Variants in PODXL observed in about 807,000 individuals in gnomAD.
The protein encoded by PODXL is podocalyxin.
Under a neutral mutation model 48.9 loss-of-function variants are expected in PODXL, and 20 were observed. The observed-to-expected ratio is 0.41, with a 90% CI of 0.29 to 0.59. PODXL has a LOEUF of 0.59. Among genes scored for constraint, PODXL ranks in the 20% least tolerant of loss-of-function variants. PODXL has a pLI of 0.31. For synonymous variants in PODXL, 295 were observed against 287.4 expected, an observed-to-expected ratio of 1.03 and a Z score of -0.27; for missense variants, 606 against 675.1, an observed-to-expected ratio of 0.90 and a Z score of 1.13.
At chr7:131,511,499 T>A (rs1169767963) in intron 1 of PODXL, 66 bp from the exon 2 acceptor site, 2 of 1,542,582 alleles carry the variant, frequency 1.3e-6, no homozygotes, top group Non-Finnish European at 1.8e-6. Flanking sequence ...CTTCTCCAGC[T>A]CTTCCCCAGG....
At chr7:131,550,514 C>T (rs1562919938) in intron 1 of PODXL, among the ~76,000 whole-genome samples, 2 of 151,952 alleles carry the variant, frequency 1.3e-5, no homozygotes, top group Non-Finnish European at 1.5e-5. Context: ...GGTGTGGTGG[C>T]GCATGCCTGT....
Position 131,556,451 on chromosome 7 carries a change from G to A in PODXL, c.-92C>T, listed in dbSNP as rs1798749767. 8 of 1,283,102 alleles carry A rather than the reference G, an allele frequency of 6.2e-6. No individual in the cohort carries two copies. The highest frequency in any genetic ancestry group is 3.1e-5 in the East Asian group (1 of 32,096). The allele number at this position is 1,283,102 out of a possible 1,614,324, so 79.5% of individuals were successfully genotyped here. A position where few individuals can be genotyped will look rare whatever the true frequency, so the allele number is the denominator to read the frequency against. ...GGTAGGAGCGTGGGCGCCGCCCGGG[G>A]AGGCCTGTGGGTGGCTCCGGAGGCC... On this transcript the variant is annotated 5_prime_UTR_variant, in exon 1 of 9. Coordinates refer to ENST00000378555, the MANE Select transcript of PODXL (RefSeq NM_001018111.3).
Position 131,541,749 on chromosome 7 carries a change from T to C in PODXL, c.100+14511A>G, listed in dbSNP as rs377256231. Among the ~76,000 whole-genome samples, 6 of 152,002 alleles carry C rather than the reference T, an allele frequency of 3.9e-5. No homozygotes were observed. In the East Asian group the frequency reaches 1.2e-3, roughly 29 times the overall value. ...ATTGAGGACTGGCTCCCTTGTCCCCTGCCAGGGCCTGCAGGGAAAGTTAAA... is the reference window on the plus strand; with the variant it reads ...ATTGAGGACTGGCTCCCTTGTCCCCCGCCAGGGCCTGCAGGGAAAGTTAAA... On this transcript the variant is annotated intron_variant, in intron 1 of 8. Transcript: ENST00000378555.
intron 8 of PODXL, among the ~76,000 whole-genome samples, 176 bp downstream of exon 8, chr7:131,505,692 G>A (rs1250627071): frequency 2.6e-5 from 4 of 152,188 alleles, no homozygotes; most frequent in Non-Finnish European, 4.4e-5. Context: ...CCTCTGCCAC[G>A]CTGCCTCTGT....
At chr7:131,530,318 A>T (rs1798257126) in intron 1 of PODXL, among the ~76,000 whole-genome samples, 1 of 151,000 alleles carries the variant, frequency 6.6e-6, no homozygotes, top group Admixed American at 6.6e-5. Flanking sequence ...CTTGGCCAGG[A>T]CTCCTCCCAG....
At chr7:131,524,492 C>T (rs566900443) in intron 1 of PODXL, among the ~76,000 whole-genome samples, 1 of 152,050 alleles carries the variant, frequency 6.6e-6, no homozygotes, top group South Asian at 2.1e-4. Context: ...CAAAGATATA[C>T]AGATGGCAAA....
chr7:131,529,380 T>G (rs1798236874), intron 1 of PODXL, among the ~76,000 whole-genome samples: 1 of 152,084 alleles, frequency 6.6e-6, no homozygotes, highest in African/African-American at 2.4e-5. Flanking sequence ...GTGGGAAGCC[T>G]GCTTCAATCT....
At chr7:131,522,242 G>A (rs1280830418) in intron 1 of PODXL, among the ~76,000 whole-genome samples, 1 of 152,180 alleles carries the variant, frequency 6.6e-6, no homozygotes, top group East Asian at 1.9e-4. Flanking sequence ...CCTGAGGTCA[G>A]GTGTTCGAGA....
At position 131,519,694 on chromosome 7, in the gene PODXL, A is replaced by G. The variant is rs1208677228; in HGVS notation, c.101-8261T>C. Among the ~76,000 whole-genome samples, 3 of 152,104 alleles carry G rather than the reference A, an allele frequency of 2.0e-5. No individual in the cohort carries two copies. The East Asian group carries it at 5.8e-4, about 29-fold the overall frequency. ...CATAATACCTTATGGGCAAATATTTATAAATCTGAAGCAGACGAGACAGAC... is the reference window on the plus strand; with the variant it reads ...CATAATACCTTATGGGCAAATATTTGTAAATCTGAAGCAGACGAGACAGAC... On this transcript the variant is annotated intron_variant, in intron 1 of 8. Coordinates refer to ENST00000378555, the MANE Select transcript of PODXL (RefSeq NM_001018111.3).
chr7:131,554,741 C>A (rs1370611664), intron 1 of PODXL, among the ~76,000 whole-genome samples: 2 of 152,174 alleles, frequency 1.3e-5, no homozygotes, highest in African/African-American at 4.8e-5. Context: ...TAGGGACTAA[C>A]CCCTCTTTCC....
At chr7:131,519,765 G>A (rs1300456212) in intron 1 of PODXL, among the ~76,000 whole-genome samples, 3 of 151,984 alleles carry the variant, frequency 2.0e-5, no homozygotes, top group Admixed American at 6.6e-5. Flanking sequence ...GTCTCACTCC[G>A]TCCCACAGGC....
intron 1 of PODXL, among the ~76,000 whole-genome samples, chr7:131,518,849 C>A (rs1204112888): frequency 6.6e-6 from 1 of 152,216 alleles, no homozygotes; most frequent in Non-Finnish European, 1.5e-5. Context: ...ACAGCGCCAT[C>A]ATTAGGCGAT....
intron 1 of PODXL, among the ~76,000 whole-genome samples, chr7:131,530,154 C>G (rs1361874989): frequency 7.9e-5 from 11 of 139,402 alleles, no homozygotes; most frequent in African/African-American, 2.8e-4. Context: ...CACCCCACCC[C>G]CCCACCCCCA....
intron 1 of PODXL, 144 bp downstream of exon 1, chr7:131,556,116 G>C: frequency 8.5e-7 from 1 of 1,175,350 alleles, no homozygotes; most frequent in Non-Finnish European, 1.1e-6. Flanking sequence ...ATGGTGCAAG[G>C]TCAGGGCTCC....
At chr7:131,550,088 C>A (rs896273105) in intron 1 of PODXL, among the ~76,000 whole-genome samples, 2 of 152,238 alleles carry the variant, frequency 1.3e-5, no homozygotes, top group South Asian at 4.1e-4. Flanking sequence ...GCATTTTGTG[C>A]AGCCAATTAT....
chr7:131,547,409 T>C (rs1206181889), intron 1 of PODXL, among the ~76,000 whole-genome samples: 1 of 136,760 alleles, frequency 7.3e-6, no homozygotes, highest in Non-Finnish European at 1.5e-5. Flanking sequence ...TCAACACGTG[T>C]GGATGCTTTC....
intron 1 of PODXL, among the ~76,000 whole-genome samples, chr7:131,549,873 G>A (rs1294160071): frequency 6.6e-6 from 1 of 152,224 alleles, no homozygotes; most frequent in Non-Finnish European, 1.5e-5. Context: ...AAGAGAGGGT[G>A]GTGGTGATAT....
chr7:131,540,783 C>CACTCCT (rs1798464098), intron 1 of PODXL, among the ~76,000 whole-genome samples: 1 of 152,148 alleles, frequency 6.6e-6, no homozygotes, highest in African/African-American at 2.4e-5. Context: ...CCACCAGGGC[C>CACTCCT]GAGTCTCCAC....
In PODXL at chr7:131,511,337, A is replaced by G. The variant is rs747974344; in HGVS notation, c.197T>C (p.Val66Ala). ...GATTTCGTTGGCCTTGGAAGTGGGG[A>G]CTGTGCTCTGCTGGGCTGTATCTGT... The part of the protein sequence containing the change: ...MATDTAQQST[V>A]PTSKANEILA... Residue 66 changes from valine to alanine, a missense_variant, in exon 2 of 9, where the codon GTC becomes GCC. Transcript: ENST00000378555. 2.0e-5 allele frequency: 32 copies of G among 1,611,414 alleles called. No individual in the cohort carries two copies. The South Asian group carries it at 3.5e-4, about 18-fold the overall frequency.
Sources: allele counts gnomAD v4.1 joint callset (sites outside exome capture counted in the v4.1 genomes callset), GRCh38; gene constraint gnomAD v4.1.1; transcripts MANE v1.5; gene names NCBI Gene and HGNC (gene_info 2026-07-23, HGNC 2026-07-21).